Variants in PRH1 observed in about 807,000 individuals in gnomAD.
The protein encoded by PRH1 is proline rich protein HaeIII subfamily 1, also known as salivary acidic proline-rich phosphoprotein 1/2.
A neutral mutation model predicts 7.9 loss-of-function variants in PRH1; 7 were observed. The ratio of observed to expected loss-of-function variants is 0.89; its 90% CI spans 0.50 to 1.67. The LOEUF is 1.67. Among genes scored for constraint, PRH1 ranks in the 40% most tolerant of loss-of-function variants. PRH1 has a pLI of 0.00. For synonymous variants in PRH1, 45 were observed against 80.8 expected (o/e 0.56, Z 2.38); for missense variants, 109 against 223.6 (o/e 0.49, Z 3.27).
intron 2 of PRH1, among the ~76,000 whole-genome samples, chr12:10,945,420 C>A (rs890419529): frequency 6.6e-6 from 1 of 152,084 alleles, no homozygotes; most frequent in Admixed American, 6.5e-5. Context: ...GGAGACATCA[C>A]ATGTTGGCAG....
At chr12:11,136,263 T>C (rs1946551232) in intron 1 of PRH1, among the ~76,000 whole-genome samples, 1 of 152,248 alleles carries the variant, frequency 6.6e-6, no homozygotes, top group South Asian at 2.1e-4. Context: ...TGTGGCTTCT[T>C]GGACTCAACA....
At chr12:10,951,285 C>A (rs572964234) in intron 2 of PRH1, among the ~76,000 whole-genome samples, 2 of 152,256 alleles carry the variant, frequency 1.3e-5, no homozygotes, top group African/African-American at 4.8e-5. Flanking sequence ...AGCAACATCA[C>A]TTGCTATGGA....
chr12:11,038,092 T>C (rs1423869555), intron 1 of PRH1, among the ~76,000 whole-genome samples: 1 of 152,264 alleles, frequency 6.6e-6, no homozygotes, highest in Admixed American at 6.5e-5. Flanking sequence ...CTTAGTACCA[T>C]AATGCTCTAT....
At chr12:11,072,794 T>A (rs77431812) in intron 1 of PRH1, among the ~76,000 whole-genome samples, 32,587 of 85,882 alleles carry the variant, frequency 0.38, 3,886 homozygotes, top group Non-Finnish European at 0.47. Context: ...TTCTTGTTTT[T>A]CACCCACGGG....
chr12:11,120,486 A>T (rs1945864047), downstream of PRH1, among the ~76,000 whole-genome samples: 1 of 152,120 alleles, frequency 6.6e-6, no homozygotes, highest in Non-Finnish European at 1.5e-5. Context: ...ACTTCAACCC[A>T]GTAACTCTAC....
At chr12:11,168,291 AGAAAGAAAGAAGGAAGGAAGGAAGGAAG>A (rs1947676192) in intron 1 of PRH1, among the ~76,000 whole-genome samples, 2 of 15,374 alleles carry the variant, frequency 1.3e-4, no homozygotes, top group Non-Finnish European at 3.0e-4. Context: ...AAAGAAAGAA[AGAAAGAAAGAAGGAAGGAAGGAAGGAAG>A]GAAGGAAGGA....
intron 1 of PRH1, among the ~76,000 whole-genome samples, chr12:10,974,149 A>G (rs1938975194): frequency 6.6e-6 from 1 of 152,264 alleles, no homozygotes; most frequent in Non-Finnish European, 1.5e-5. Context: ...TCAATTAAAT[A>G]AGAATCATTT....
At chr12:11,151,339 C>T (rs1947075950) in intron 1 of PRH1, among the ~76,000 whole-genome samples, 1 of 151,666 alleles carries the variant, frequency 6.6e-6, no homozygotes, top group Admixed American at 6.6e-5. Flanking sequence ...CGGGATCTTG[C>T]TACACCAGGG....
intron 1 of PRH1, among the ~76,000 whole-genome samples, chr12:11,099,534 T>C (rs1385257219): frequency 6.6e-6 from 1 of 152,006 alleles, no homozygotes; most frequent in East Asian, 1.9e-4. Context: ...CCATCTCTAC[T>C]AAAAATACAA....
chr12:10,935,562 T>C (rs1251603248), intron 2 of PRH1, among the ~76,000 whole-genome samples: 1 of 152,142 alleles, frequency 6.6e-6, no homozygotes, highest in Non-Finnish European at 1.5e-5. Context: ...GTCCTCATTT[T>C]GTACTTCTCC....
intron 1 of PRH1, among the ~76,000 whole-genome samples, chr12:11,025,468 T>C (rs1941861964): frequency 6.6e-6 from 1 of 152,240 alleles, no homozygotes; most frequent in South Asian, 2.1e-4. Flanking sequence ...CTTCTACCTC[T>C]AGCTACTTTT....
upstream of PRH1, among the ~76,000 whole-genome samples, chr12:11,048,160 GT>G (rs1942980871): frequency 8.1e-6 from 1 of 123,014 alleles, no homozygotes; most frequent in Non-Finnish European, 1.7e-5. Context: ...GTGTGTGTGT[GT>G]ATAGATAGAT....
chr12:10,989,176 T>TA, intron 1 of PRH1, among the ~76,000 whole-genome samples: 1 of 151,924 alleles, frequency 6.6e-6, no homozygotes, highest in South Asian at 2.1e-4. Context: ...TTACCTACTT[T>TA]AAACCTTTAA....
intron 1 of PRH1, among the ~76,000 whole-genome samples, chr12:10,981,585 G>A (rs1373209551): frequency 6.6e-6 from 1 of 152,050 alleles, no homozygotes; most frequent in Non-Finnish European, 1.5e-5. Context: ...ATGTTGGCCA[G>A]GCTGATCTCG....
At chr12:11,059,308 T>C (rs1328304850) in intron 1 of PRH1, among the ~76,000 whole-genome samples, 2 of 149,466 alleles carry the variant, frequency 1.3e-5, no homozygotes. Context: ...AGCAGAGCCA[T>C]ACCAGACATC....
intron 1 of PRH1, among the ~76,000 whole-genome samples, chr12:11,105,157 G>A (rs1945373365): frequency 6.6e-6 from 1 of 151,808 alleles, no homozygotes; most frequent in African/African-American, 2.4e-5. Context: ...TACAGTAAGG[G>A]AAATTTCAGG....
chr12:10,894,281 C>T (rs574907983), intron 2 of PRH1, among the ~76,000 whole-genome samples: 4 of 152,064 alleles, frequency 2.6e-5, no homozygotes, highest in Admixed American at 6.6e-5. Context: ...TTCTACAGTA[C>T]AAGTCTGTTG....
downstream of PRH1, among the ~76,000 whole-genome samples, chr12:11,118,504 C>G (rs1425765973): frequency 4.6e-5 from 7 of 152,108 alleles, no homozygotes; most frequent in African/African-American, 1.7e-4. Flanking sequence ...CTATGGAAAA[C>G]AGTTTAAAGG....
intron 1 of PRH1, among the ~76,000 whole-genome samples, chr12:10,883,943 G>A (rs958556366): frequency 7.9e-5 from 12 of 152,162 alleles, no homozygotes; most frequent in East Asian, 7.7e-4. Context: ...CCCCTAGTAC[G>A]AATTCTTTAT....
Sources: gnomAD v4.1 joint callset for allele counts (sites outside exome capture counted in the v4.1 genomes callset) on GRCh38, gnomAD v4.1.1 for gene constraint, MANE v1.5 for transcripts, NCBI Gene and HGNC (gene_info 2026-07-23, HGNC 2026-07-21) for gene names.